The following ADRA1A variants were observed in gnomAD, a reference collection of about 807,000 sequenced individuals.
ADRA1A encodes the protein alpha-1A adrenergic receptor.
A neutral mutation model predicts 29.6 loss-of-function variants in ADRA1A; 31 were observed. That is an observed-to-expected ratio of 1.05 (90% confidence interval 0.79 to 1.41). The LOEUF (loss-of-function observed/expected upper bound fraction) is 1.41, where lower values mean the gene tolerates loss of function less well. Ranked by LOEUF, ADRA1A falls within the 40% of genes most tolerant of loss-of-function variation. The pLI is 0.00. For missense variants in ADRA1A, 619 were observed against 601.1 expected (o/e 1.03, Z -0.31); for synonymous variants, 311 against 254.3 (o/e 1.22, Z -2.12).
At chr8:26,809,183 C>A (rs984342440) in intron 2 of ADRA1A, among the ~76,000 whole-genome samples, 7 of 152,178 alleles carry the variant, frequency 4.6e-5, no homozygotes, top group Non-Finnish European at 1.0e-4. Flanking sequence ...CCTAAACAAA[C>A]TTTACTGCCA....
At chr8:26,772,319 C>G (rs937341375) in intron 2 of ADRA1A, among the ~76,000 whole-genome samples, 1 of 152,196 alleles carries the variant, frequency 6.6e-6, no homozygotes, top group African/African-American at 2.4e-5. Flanking sequence ...GCTAAAGGAG[C>G]TTTATGAATT....
In ADRA1A at chr8:26,831,575, G is replaced by A. The variant is rs935353787; in HGVS notation, c.883+32512C>T. 6.6e-6 allele frequency among the ~76,000 whole-genome samples: 1 copy of A among 152,178 alleles called. No homozygotes were observed. The highest frequency in any genetic ancestry group is 1.5e-5 in the Non-Finnish European group (1 of 68,034). On this transcript the variant is annotated intron_variant, in intron 2 of 2. Coordinates refer to ENST00000380573, the MANE Select transcript of ADRA1A (RefSeq NM_000680.4). This position sits in a 1 kb window ranked among gnomAD's most constrained non-coding sequence, Gnocchi z 5.2. ...ACCCAATGTCCTAGACACTGGAGGAGGTACATCTGTGTCCAAATATCCTAA... is the reference window on the plus strand; with the variant it reads ...ACCCAATGTCCTAGACACTGGAGGAAGTACATCTGTGTCCAAATATCCTAA...
In ADRA1A at chr8:26,864,115, C is replaced by A. The variant is rs532108221; in HGVS notation, c.855G>T (p.Trp285Cys). The change falls in exon 2 of 3, where the codon TGG becomes TGT. Residue 285 changes from tryptophan (W) to cysteine (C), a missense_variant. By Grantham distance (215) the Trp-to-Cys change is radical. Transcript: ENST00000380573. This position sits in a 1 kb window ranked among gnomAD's most constrained non-coding sequence, Gnocchi z 8.1. ...TGGGCATGACTAAGAAAAAAGGCAG[C>A]CAGCAGAGGACGAAGCAGCCGACCA... Reference protein sequence around the residue: ...GIVVGCFVLCWLPFFLVMPIG... With the variant: ...GIVVGCFVLCCLPFFLVMPIG... The A allele has an allele frequency of 1.2e-6, 2 of 1,613,808 alleles. No homozygotes were observed. Among genetic ancestry groups the A allele is most frequent in the African/African-American group, 2.7e-5 (2 of 75,038 alleles).
intron 2 of ADRA1A, among the ~76,000 whole-genome samples, chr8:26,813,218 C>T (rs1048972134): frequency 2.0e-5 from 3 of 152,068 alleles, no homozygotes; most frequent in East Asian, 1.9e-4. Flanking sequence ...ATATTTGCTT[C>T]CTTCTATTAC....
intron 2 of ADRA1A, among the ~76,000 whole-genome samples, chr8:26,855,137 G>A (rs892522051): frequency 3.3e-5 from 5 of 152,142 alleles, no homozygotes; most frequent in African/African-American, 9.6e-5. Flanking sequence ...GCATCCAAGA[G>A]ACTGAATATG....
In ADRA1A at chr8:26,865,728, G is replaced by A; in HGVS notation, c.-686-73C>T. Reference sequence around the variant, plus strand: ...GAAAGAGGCTGTGCTGAGCTTGACGGGTTGGGGGACACCAGTTGGGAGCCG... The same window carrying A: ...GAAAGAGGCTGTGCTGAGCTTGACGAGTTGGGGGACACCAGTTGGGAGCCG... On this transcript the variant is annotated intron_variant, in intron 1 of 2. Coordinates refer to ENST00000380573, the MANE Select transcript of ADRA1A (RefSeq NM_000680.4). The surrounding 1 kb of genome is among the most constrained non-coding windows in gnomAD (Gnocchi z 7.6). 2 of 985,442 alleles carry A rather than the reference G, an allele frequency of 2.0e-6. No individual in the cohort carries two copies. The highest frequency in any genetic ancestry group is 2.4e-6 in the Non-Finnish European group (2 of 830,006). The allele number at this position is 985,442 out of a possible 1,614,324, so 61.0% of individuals were successfully genotyped here.
chr8:26,768,184 A>T (rs1032902707), downstream of ADRA1A, among the ~76,000 whole-genome samples: 2 of 152,210 alleles, frequency 1.3e-5, no homozygotes, highest in Non-Finnish European at 2.9e-5. Flanking sequence ...GTGGAAAGAG[A>T]TTTGGTTTTA....
chr8:26,774,028 C>T (rs1378098130), intron 2 of ADRA1A, among the ~76,000 whole-genome samples: 1 of 152,238 alleles, frequency 6.6e-6, no homozygotes, highest in Non-Finnish European at 1.5e-5. Flanking sequence ...ATCTCTAGGC[C>T]TAACCCCAGG....
At chr8:26,816,771 C>T (rs1809797542) in intron 2 of ADRA1A, among the ~76,000 whole-genome samples, 1 of 152,152 alleles carries the variant, frequency 6.6e-6, no homozygotes, top group South Asian at 2.1e-4. Context: ...AATGGGAAGA[C>T]CTAAAGCGGA....
downstream of ADRA1A, among the ~76,000 whole-genome samples, chr8:26,754,854 G>A (rs774868208): frequency 3.2e-4 from 49 of 152,118 alleles, no homozygotes; most frequent in Admixed American, 3.9e-4. Context: ...GCTCCATCAG[G>A]TTTGTAACAC....
At chr8:26,764,754 A>G (rs927579352), downstream of ADRA1A, among the ~76,000 whole-genome samples, 14 of 152,224 alleles carry the variant, frequency 9.2e-5, no homozygotes, top group African/African-American at 2.7e-4. Context: ...CAGAAATATT[A>G]AACTCAAGTT....
chr8:26,801,355 T>C (rs1563263437), intron 2 of ADRA1A, among the ~76,000 whole-genome samples: 1 of 152,156 alleles, frequency 6.6e-6, no homozygotes, highest in South Asian at 2.1e-4. Context: ...TTGCAGATGA[T>C]ATAATCTTAT....
chr8:26,804,922 G>A (rs143415667), intron 2 of ADRA1A, among the ~76,000 whole-genome samples: 8 of 152,266 alleles, frequency 5.3e-5, no homozygotes, highest in African/African-American at 1.9e-4. Context: ...TCATCAGTGA[G>A]GGCAATGAAG....
chr8:26,774,063 A>G (rs926829875), intron 2 of ADRA1A, among the ~76,000 whole-genome samples: 1 of 152,212 alleles, frequency 6.6e-6, no homozygotes, highest in Non-Finnish European at 1.5e-5. Context: ...AATCCAAGCA[A>G]ATCTCTAGAT....
chr8:26,849,318 G>A (rs1452083620), intron 2 of ADRA1A, among the ~76,000 whole-genome samples: 2 of 152,182 alleles, frequency 1.3e-5, no homozygotes, highest in Non-Finnish European at 2.9e-5. Flanking sequence ...CTTGTCAAAG[G>A]TAAATCTCAA....
At chr8:26,809,179 C>A (rs1809205594) in intron 2 of ADRA1A, among the ~76,000 whole-genome samples, 1 of 152,182 alleles carries the variant, frequency 6.6e-6, no homozygotes, top group Admixed American at 6.5e-5. Context: ...TTCCCCTAAA[C>A]AAACTTTACT....
chr8:26,756,476 TACAAAAAATCG>T, exon 3 of ADRA1A: 1 of 1,479,918 alleles, frequency 6.8e-7, no homozygotes, highest in Non-Finnish European at 9.0e-7. Context: ...GAAACTGATT[TACAAAAAATCG>T]AGCTATTTGT....
chr8:26,795,826 G>A (rs549322740), intron 2 of ADRA1A, among the ~76,000 whole-genome samples: 4 of 152,038 alleles, frequency 2.6e-5, no homozygotes, highest in South Asian at 2.1e-4. Context: ...TTCAGGCTAC[G>A]GAAAATTGTT....
intron 2 of ADRA1A, among the ~76,000 whole-genome samples, chr8:26,814,659 A>G (rs1358133446): frequency 1.3e-5 from 2 of 152,098 alleles, no homozygotes; most frequent in African/African-American, 4.8e-5. Flanking sequence ...CTGTTTTATA[A>G]TTTTCTTTCT....
Sources: allele counts gnomAD v4.1 joint callset (sites outside exome capture counted in the v4.1 genomes callset), GRCh38; gene constraint gnomAD v4.1.1; non-coding constraint Gnocchi (gnomAD v3.1); transcripts MANE v1.5; gene names NCBI Gene and HGNC (gene_info 2026-07-23, HGNC 2026-07-21).